The following MGAT4C variants were observed in gnomAD, a reference collection of about 807,000 sequenced individuals.
The protein encoded by MGAT4C is MGAT4 family member C.
Under a neutral mutation model 40.1 loss-of-function variants are expected in MGAT4C, and 19 were observed. The ratio of observed to expected loss-of-function variants is 0.47; its 90% CI spans 0.33 to 0.70. The LOEUF (loss-of-function observed/expected upper bound fraction) is 0.70. Among genes scored for constraint, MGAT4C ranks in the 30% least tolerant of loss-of-function variants. The pLI is 0.02. For missense variants in MGAT4C, 491 were observed against 563.2 expected, an observed-to-expected ratio of 0.87 and a Z score of 1.30; for synonymous variants, 181 against 187.1, an observed-to-expected ratio of 0.97 and a Z score of 0.27.
chr12:86,480,697 A>G (rs541136347), intron 2 of MGAT4C, among the ~76,000 whole-genome samples: 2 of 151,726 alleles, frequency 1.3e-5, no homozygotes, highest in Admixed American at 1.3e-4. Flanking sequence ...TTTGATAGTT[A>G]CATGCTACTT....
At position 85,959,409 on chromosome 12, in the gene MGAT4C, TTTCTC is replaced by T. The variant is rs1882990439; in HGVS notation, c.*19875_*19879del. The T allele has an allele frequency of 6.6e-6, 1 of 152,086 alleles. No individual in the cohort carries two copies. Among genetic ancestry groups the T allele is most frequent in the Non-Finnish European group, 1.5e-5 (1 of 67,972 alleles). The allele number at this position is 152,086 out of a possible 1,614,324, so 9.4% of individuals were successfully genotyped here. ...AAGTTATAGATTTTTCTTTTTTCCTTTTCTCTTCCCCTTTCTCTCTCTTTCTCTTT... is the reference window on the plus strand; with the variant it reads ...AAGTTATAGATTTTTCTTTTTTCCTTTTCCCCTTTCTCTCTCTTTCTCTTT... On this transcript the variant is annotated 3_prime_UTR_variant, in exon 5 of 5. Transcript: ENST00000611864.
intron 1 of MGAT4C, among the ~76,000 whole-genome samples, chr12:86,204,908 C>G (rs1950191824): frequency 6.6e-6 from 1 of 151,880 alleles, no homozygotes; most frequent in South Asian, 2.1e-4. Context: ...AATGATAATT[C>G]AGAGCACAGA....
intron 4 of MGAT4C, among the ~76,000 whole-genome samples, chr12:86,293,894 G>A (rs1315452219): frequency 1.3e-5 from 2 of 152,100 alleles, no homozygotes; most frequent in Non-Finnish European, 2.9e-5. Context: ...AAGGTTTCTT[G>A]AAGCCTCCCC....
At chr12:86,611,227 G>A (rs769643004) in intron 2 of MGAT4C, among the ~76,000 whole-genome samples, 1 of 152,024 alleles carries the variant, frequency 6.6e-6, no homozygotes, top group Non-Finnish European at 1.5e-5. Context: ...GAAACAAATT[G>A]AAACATTTTG....
chr12:86,360,591 C>A (rs1424848277), intron 3 of MGAT4C, among the ~76,000 whole-genome samples: 1 of 152,130 alleles, frequency 6.6e-6, no homozygotes, highest in Non-Finnish European at 1.5e-5. Context: ...AAAACCCCAT[C>A]GTCTCAGACC....
chr12:86,333,864 CAG>C (rs1954727517), intron 4 of MGAT4C, among the ~76,000 whole-genome samples: 1 of 152,122 alleles, frequency 6.6e-6, no homozygotes, highest in South Asian at 2.1e-4. Flanking sequence ...TTATCTTCTT[CAG>C]AGTTAAGTAT....
chr12:86,368,240 A>C (rs1955645109), intron 3 of MGAT4C, among the ~76,000 whole-genome samples: 1 of 152,152 alleles, frequency 6.6e-6, no homozygotes, highest in Admixed American at 6.5e-5. Flanking sequence ...CTTACTATTA[A>C]TTGCTATTCA....
chr12:86,354,773 G>A (rs557387551), intron 3 of MGAT4C, among the ~76,000 whole-genome samples: 26 of 152,270 alleles, frequency 1.7e-4, no homozygotes, highest in Admixed American at 4.6e-4. Context: ...TTATGTGTCC[G>A]GAGTTGGTTC....
chr12:86,321,242 A>G (rs925852400), intron 4 of MGAT4C, among the ~76,000 whole-genome samples: 3 of 152,176 alleles, frequency 2.0e-5, no homozygotes, highest in Non-Finnish European at 4.4e-5. Flanking sequence ...ACATGATGTG[A>G]GAATTCTTAA....
chr12:86,501,400 G>T lies in MGAT4C; in HGVS notation c.-228-66135C>A, dbSNP rs56721311. Among the ~76,000 whole-genome samples, 5 of 151,970 alleles carry T rather than the reference G, an allele frequency of 3.3e-5. No homozygotes were observed. The East Asian group carries it at 9.7e-4, about 29-fold the overall frequency. ...GTGCAGGTTTGTTACACAGTTAAAC[G>T]CGTACCATGGTGGTTGCTGTACCTA... On this transcript the variant is annotated intron_variant, in intron 2 of 7. Coordinates refer to the MGAT4C transcript ENST00000548651.
intron 1 of MGAT4C, among the ~76,000 whole-genome samples, chr12:86,150,235 A>G (rs902431367): frequency 1.3e-5 from 2 of 151,844 alleles, no homozygotes; most frequent in African/African-American, 4.8e-5. Context: ...AAGCTCATTC[A>G]CCCTCCACTC....
At chr12:86,021,349 C>A (rs1211364619) in intron 2 of MGAT4C, among the ~76,000 whole-genome samples, 1 of 151,842 alleles carries the variant, frequency 6.6e-6, no homozygotes, top group Non-Finnish European at 1.5e-5. Context: ...AAATGTCCAA[C>A]AAAGATAGAC....
chr12:86,726,089 C>T (rs1950816785), intron 2 of MGAT4C, among the ~76,000 whole-genome samples: 1 of 152,138 alleles, frequency 6.6e-6, no homozygotes. Context: ...TTCAAATGCT[C>T]ATCTCAAAAA....
At chr12:86,617,734 A>G (rs1962499400) in intron 2 of MGAT4C, among the ~76,000 whole-genome samples, 1 of 151,934 alleles carries the variant, frequency 6.6e-6, no homozygotes, top group Non-Finnish European at 1.5e-5. Flanking sequence ...ATAAAATATT[A>G]GAAGAAGACC....
intron 2 of MGAT4C, among the ~76,000 whole-genome samples, chr12:86,028,664 C>T (rs1890465718): frequency 6.6e-6 from 1 of 151,832 alleles, no homozygotes; most frequent in Non-Finnish European, 1.5e-5. Context: ...TTTAGTAGAA[C>T]ATCAAGAAAA....
At chr12:86,274,913 C>T (rs748043446) in intron 4 of MGAT4C, among the ~76,000 whole-genome samples, 14 of 152,114 alleles carry the variant, frequency 9.2e-5, no homozygotes, top group Admixed American at 8.5e-4. Context: ...AACAAAAGCT[C>T]TTCTTGCAGA....
At chr12:86,743,521 T>C (rs1951106163) in intron 1 of MGAT4C, among the ~76,000 whole-genome samples, 1 of 151,564 alleles carries the variant, frequency 6.6e-6, no homozygotes, top group Non-Finnish European at 1.5e-5. Context: ...TCACATAAGT[T>C]TTCTGGCTAT....
chr12:86,143,521 A>T (rs1423913961), intron 1 of MGAT4C, among the ~76,000 whole-genome samples: 1 of 152,180 alleles, frequency 6.6e-6, no homozygotes, highest in Non-Finnish European at 1.5e-5. Context: ...AGACTAACTC[A>T]TTGGAAATAA....
intron 2 of MGAT4C, among the ~76,000 whole-genome samples, chr12:86,443,847 G>A (rs1420408486): frequency 1.3e-5 from 2 of 152,076 alleles, no homozygotes; most frequent in Admixed American, 6.6e-5. Flanking sequence ...GCCCGCCTCG[G>A]CTTCCCAAAG....
Sources: allele counts gnomAD v4.1 joint callset (sites outside exome capture counted in the v4.1 genomes callset), GRCh38; gene constraint gnomAD v4.1.1; transcripts MANE v1.5; gene names NCBI Gene and HGNC (gene_info 2026-07-23, HGNC 2026-07-21).